Variants in HECTD4 observed in about 807,000 individuals in gnomAD.
HECTD4 encodes HECT domain E3 ubiquitin protein ligase 4.
Under a neutral mutation model 471.5 loss-of-function variants are expected in HECTD4, and 114 were observed. The ratio of observed to expected loss-of-function variants is 0.24; its 90% CI spans 0.21 to 0.28. The LOEUF is 0.28. Ranked by LOEUF, HECTD4 falls within the 10% of genes least tolerant of loss-of-function variation. HECTD4 has a pLI of 1.00. For synonymous variants in HECTD4, 2,012 were observed against 2,256.0 expected (o/e 0.89, Z 3.07); for missense variants, 3,866 against 5,651.5 (o/e 0.68, Z 10.13).
intron 1 of HECTD4, among the ~76,000 whole-genome samples, chr12:112,361,125 G>C (rs969818505): frequency 3.9e-5 from 6 of 152,046 alleles, no homozygotes; most frequent in Non-Finnish European, 7.4e-5. Flanking sequence ...TTTTAGAATG[G>C]AACACACCAA....
In HECTD4 at chr12:112,185,382, G is replaced by C. The variant is rs2031823968; in HGVS notation, c.9584C>G (p.Ala3195Gly). ...VHTLEQRRHPAGLSSSIALQL... is the reference protein window; with the variant it reads ...VHTLEQRRHPGGLSSSIALQL... ...GAGGGCGATTGAGGAGGACAGGCCA[G>C]CGGGGTGCCGCCTCTGCTCCAGGGT... The change falls in exon 61 of 76, where the codon GCT (alanine) becomes GGT (glycine). Residue 3195 changes from alanine (A) to glycine (G), a missense_variant. By Grantham distance (60) the Ala-to-Gly change is moderately conservative (BLOSUM62 0). Transcript: ENST00000682272. 1 of 1,611,730 alleles carries C rather than the reference G, an allele frequency of 6.2e-7. No individual in the cohort carries two copies. Among genetic ancestry groups the C allele is most frequent in the East Asian group, 2.2e-5 (1 of 44,874 alleles).
chr12:112,376,371 C>T (rs1437389654), intron 1 of HECTD4, among the ~76,000 whole-genome samples: 5 of 151,952 alleles, frequency 3.3e-5, no homozygotes, highest in African/African-American at 7.2e-5. Context: ...CTCAGCCTCC[C>T]GAGTAGCTGG....
At position 112,217,127 on chromosome 12, in the gene HECTD4, G is replaced by T. The variant is rs1427185037; in HGVS notation, c.7143C>A (p.His2381Gln). ...PPVRACMFSS[H>Q]LTSVTFLADP... The stretch of plus-strand genomic sequence containing the variant: ...CAGCCAGGAAGGTGACTGAGGTAAG[G>T]TGAGATGAGAACATGCAGGCTCGAA... The change falls in exon 46 of 76, where the codon CAC (histidine) becomes CAA (glutamine). Residue 2381 changes from histidine (H) to glutamine (Q), a missense_variant. By Grantham distance (24) the His-to-Gln change is conservative. This residue lies in a region of HECTD4 where 617 missense variants were observed against 915.1 expected (regional missense o/e 0.67). Coordinates refer to ENST00000682272, the MANE Select transcript of HECTD4 (RefSeq NM_001388303.1). The T allele has an allele frequency of 3.1e-6, 5 of 1,591,874 alleles. No individual in the cohort carries two copies. The highest frequency in any genetic ancestry group is 4.3e-6 in the Non-Finnish European group (5 of 1,169,156).
chr12:112,244,719 C>T (rs1460433790), intron 29 of HECTD4, among the ~76,000 whole-genome samples: 1 of 152,108 alleles, frequency 6.6e-6, no homozygotes, highest in Non-Finnish European at 1.5e-5. Flanking sequence ...TCAGAGATGG[C>T]CTTTTTCCCT....
intron 1 of HECTD4, among the ~76,000 whole-genome samples, chr12:112,324,037 C>CTTTCTTT (rs1566112043): frequency 3.5e-4 from 7 of 20,096 alleles, no homozygotes; most frequent in Non-Finnish European, 4.9e-4. Context: ...TTCCTTCCTT[C>CTTTCTTT]CTTCCTTCCT....
At chr12:112,231,059 C>T in intron 39 of HECTD4, 1 of 507,696 alleles carries the variant, frequency 2.0e-6, no homozygotes, top group Non-Finnish European at 3.5e-6. Context: ...ATTTATAAGC[C>T]ATGAGGATCA....
intron 20 of HECTD4, among the ~76,000 whole-genome samples, chr12:112,257,031 C>A (rs1373955256): frequency 6.6e-6 from 1 of 152,104 alleles, no homozygotes; most frequent in Non-Finnish European, 1.5e-5. Context: ...AAGAAAGGTG[C>A]CTTCAAAGGT....
At chr12:112,256,785 T>C (rs2034021047) in intron 20 of HECTD4, 1 of 255,000 alleles carries the variant, frequency 3.9e-6, no homozygotes, top group African/African-American at 2.2e-5. Flanking sequence ...TTTTCATTTT[T>C]CCCTCTTTTT....
At chr12:112,321,318 C>A (rs1172226600) in intron 1 of HECTD4, among the ~76,000 whole-genome samples, 1 of 152,112 alleles carries the variant, frequency 6.6e-6, no homozygotes, top group Non-Finnish European at 1.5e-5. Context: ...AAGAAAGGAA[C>A]CAGCTCTCAA....
chr12:112,373,187 A>G (rs936368671), intron 1 of HECTD4, among the ~76,000 whole-genome samples: 4 of 152,200 alleles, frequency 2.6e-5, no homozygotes, highest in African/African-American at 7.2e-5. Context: ...GCCACTAACT[A>G]TCTTACCTTT....
Position 112,179,963 on chromosome 12 carries a change from A to G in HECTD4, c.10988-566T>C, listed in dbSNP as rs534917242. ...TTTCTGAGATACAAAAAAACTGTCT[A>G]TAAGCACCAGAAAAAATATTTTTTT... On this transcript the variant is annotated intron_variant, in intron 62 of 75. Transcript: ENST00000682272. The surrounding 1 kb of genome is among the most constrained non-coding windows in gnomAD (Gnocchi z 4.3). 9.2e-5 allele frequency among the ~76,000 whole-genome samples: 14 copies of G among 152,356 alleles called. No homozygotes were observed. The highest frequency in any genetic ancestry group is 1.3e-4 in the Non-Finnish European group (9 of 68,034).
intron 7 of HECTD4, chr12:112,301,792 A>G (rs915285257): frequency 1.9e-5 from 10 of 531,914 alleles, no homozygotes; most frequent in Non-Finnish European, 2.9e-5. Flanking sequence ...CTATTTCTTC[A>G]GCTAGCTGTT....
chr12:112,353,031 C>G (rs907019023), intron 1 of HECTD4, among the ~76,000 whole-genome samples: 6 of 152,242 alleles, frequency 3.9e-5, no homozygotes, highest in Non-Finnish European at 8.8e-5. Context: ...TCATTGATTT[C>G]CTGTTAGCAA....
intron 19 of HECTD4, 72 bp from the exon 20 acceptor site, chr12:112,258,668 TA>T: frequency 8.4e-7 from 1 of 1,197,598 alleles, no homozygotes; most frequent in African/African-American, 1.6e-5. Context: ...CAGCCAAACT[TA>T]GAGGTCTCTC....
intron 1 of HECTD4, among the ~76,000 whole-genome samples, chr12:112,353,621 A>G (rs1239401671): frequency 6.6e-6 from 1 of 152,174 alleles, no homozygotes; most frequent in Non-Finnish European, 1.5e-5. Flanking sequence ...CAAGGTCAGG[A>G]GTTCGATACC....
chr12:112,266,456 G>C (rs150558900), intron 14 of HECTD4, among the ~76,000 whole-genome samples: 1 of 152,350 alleles, frequency 6.6e-6, no homozygotes, highest in East Asian at 1.9e-4. Context: ...CAATCTGGTT[G>C]AAGTGTAAGC....
intron 47 of HECTD4, 41 bp downstream of exon 47, chr12:112,216,732 G>T: frequency 1.3e-6 from 2 of 1,599,960 alleles, no homozygotes; most frequent in Non-Finnish European, 1.7e-6. Flanking sequence ...CTTGTGGGAG[G>T]CTACTGCTCT....
At chr12:112,189,909 A>T (rs1019112891) in intron 60 of HECTD4, among the ~76,000 whole-genome samples, 10 of 152,046 alleles carry the variant, frequency 6.6e-5, no homozygotes, top group African/African-American at 2.4e-4. Flanking sequence ...ATGCACCACC[A>T]TGCCCGGCCA....
intron 8 of HECTD4, among the ~76,000 whole-genome samples, chr12:112,281,182 C>T (rs568096322): frequency 1.4e-4 from 22 of 151,968 alleles, no homozygotes; most frequent in South Asian, 6.2e-4. Flanking sequence ...AGCAACATCA[C>T]GTTAAAGAAT....
Sources: allele counts gnomAD v4.1 joint callset (sites outside exome capture counted in the v4.1 genomes callset), GRCh38; gene constraint gnomAD v4.1.1; regional missense constraint gnomAD v4.1.1; non-coding constraint Gnocchi (gnomAD v3.1); transcripts MANE v1.5; gene names NCBI Gene and HGNC (gene_info 2026-07-23, HGNC 2026-07-21).